The following SLC28A2 variants were observed in gnomAD, a reference collection of about 807,000 sequenced individuals.
SLC28A2 encodes solute carrier family 28 member 2.
Under a neutral mutation model 72.9 loss-of-function variants are expected in SLC28A2, and 69 were observed. That is an observed-to-expected ratio of 0.95 (90% CI 0.78 to 1.16). The LOEUF is 1.16. Among genes scored for constraint, SLC28A2 ranks in the 50% most tolerant of loss-of-function variants. SLC28A2 has a pLI of 0.00. For missense variants in SLC28A2, 745 were observed against 791.1 expected (o/e 0.94, Z 0.70); for synonymous variants, 296 against 294.1 (o/e 1.01, Z -0.07).
Position 45,270,253 on chromosome 15 carries a change from T to G in SLC28A2, c.1625T>G (p.Ile542Arg), listed in dbSNP as rs748704179. ...TGTGGATTTGCCAATCTTAGTTCCA[T>G]AGGAATCACACTTGGAGGCTTGAGT... ...SLCGFANLSS[I>R]GITLGGLTSI... Residue 542 changes from isoleucine (I) to arginine (R), a missense_variant, in exon 15 of 18, where the codon ATA (isoleucine) becomes AGA (arginine). Physicochemically the swap from Ile to Arg is moderately conservative, Grantham distance 97. Coordinates refer to ENST00000347644, the MANE Select transcript of SLC28A2 (RefSeq NM_004212.4). 6.2e-7 allele frequency: 1 copy of G among 1,613,196 alleles called. No individual in the cohort carries two copies. The highest frequency in any genetic ancestry group is 1.7e-5 in the Admixed American group (1 of 60,026).
At position 45,267,515 on chromosome 15, in the gene SLC28A2, G is replaced by A. The variant is rs369611593; in HGVS notation, c.1003G>A (p.Ala335Thr). ...GGACATGACACTCTCTGAAATCCATGCGGTGATGACTGGAGGGTTTGCCAC... is the reference window on the plus strand; with the variant it reads ...GGACATGACACTCTCTGAAATCCATACGGTGATGACTGGAGGGTTTGCCAC... Reference protein sequence around the residue: ...LGDMTLSEIHAVMTGGFATIS... With the variant: ...LGDMTLSEIHTVMTGGFATIS... The change falls in exon 11 of 18, where the codon GCG becomes ACG. Residue 335 changes from alanine (A) to threonine (T), a missense_variant. Coordinates refer to ENST00000347644, the MANE Select transcript of SLC28A2 (RefSeq NM_004212.4). The A allele has an allele frequency of 3.1e-6, 5 of 1,614,166 alleles. No homozygotes were observed. In the African/African-American group the frequency reaches 5.3e-5, roughly 17 times the overall value.
intron 3 of SLC28A2, among the ~76,000 whole-genome samples, chr15:45,258,100 G>A (rs1900029090): frequency 6.6e-6 from 1 of 152,092 alleles, no homozygotes; most frequent in Non-Finnish European, 1.5e-5. Context: ...GTGGGCACCT[G>A]TTCTCCTAGC....
At chr15:45,258,459 T>C (rs11637838) in intron 3 of SLC28A2, among the ~76,000 whole-genome samples, 71,876 of 151,938 alleles carry the variant, frequency 0.47, 20,689 homozygotes, top group Non-Finnish European at 0.67. Flanking sequence ...AAACATTATC[T>C]GTACCCAAGA....
chr15:45,268,086 CT>C (rs1403422538), intron 12 of SLC28A2, 123 bp from the exon 13 acceptor site: 3 of 904,160 alleles, frequency 3.3e-6, no homozygotes, highest in Middle Eastern at 3.2e-4. Flanking sequence ...TGAGGAACCC[CT>C]GTCACCTTCT....
intron 17 of SLC28A2, among the ~76,000 whole-genome samples, chr15:45,273,124 C>T (rs973532831): frequency 2.0e-5 from 3 of 151,926 alleles, no homozygotes; most frequent in Admixed American, 6.6e-5. Context: ...CCCAGGAGTT[C>T]GAGACAAGCC....
At chr15:45,267,837 G>A (rs374529358) in intron 12 of SLC28A2, 41 bp downstream of exon 12, 1 of 1,610,610 alleles carries the variant, frequency 6.2e-7, no homozygotes, top group South Asian at 1.1e-5. Context: ...ATGGTGAGCT[G>A]TAGTTAAGAG....
At chr15:45,255,873 A>G (rs1346678952) in intron 3 of SLC28A2, 1 of 152,202 alleles carries the variant, frequency 6.6e-6, no homozygotes, top group African/African-American at 2.4e-5. Context: ...TGGCTTGCAC[A>G]ATTCCTGAAA....
At chr15:45,255,341 G>GT (rs1176424473) in intron 3 of SLC28A2, 2 of 151,976 alleles carry the variant, frequency 1.3e-5, no homozygotes, top group Non-Finnish European at 2.9e-5. Context: ...TTAATGAGGA[G>GT]TAAGACCAGG....
In SLC28A2 at chr15:45,277,393, T is replaced by G; in HGVS notation, c.*1880T>G. 6.6e-6 allele frequency: 1 copy of G among 151,886 alleles called. No homozygotes were observed. Among genetic ancestry groups the G allele is most frequent in the Non-Finnish European group, 1.5e-5 (1 of 67,984 alleles). The allele number at this position is 151,886 out of a possible 1,614,324, so 9.4% of individuals were successfully genotyped here. On this transcript the variant is annotated 3_prime_UTR_variant, in exon 18 of 18. Coordinates refer to ENST00000347644, the MANE Select transcript of SLC28A2 (RefSeq NM_004212.4). ...AGTACATGTACATGCATGTTCACAG[T>G]AGCACTATTCAAAATAGCCAAAAAT...
Position 45,262,047 on chromosome 15 carries a change from G to T in SLC28A2, c.203G>T (p.Ser68Ile). ...RSRWPFSKAR[S>I]FCKTHASLFK... Reference sequence around the variant, plus strand: ...CGGTGGCCTTTCAGCAAAGCAAGAAGTTTCTGCAAAACACACGCCAGCTTG... The same window carrying T: ...CGGTGGCCTTTCAGCAAAGCAAGAATTTTCTGCAAAACACACGCCAGCTTG... Residue 68 changes from serine (S) to isoleucine (I), a missense_variant, in exon 4 of 18, where the codon AGT becomes ATT. Transcript: ENST00000347644. 6.2e-7 allele frequency: 1 copy of T among 1,613,726 alleles called. No homozygotes were observed. The highest frequency in any genetic ancestry group is 8.5e-7 in the Non-Finnish European group (1 of 1,179,676).
chr15:45,260,895 T>C (rs1900141262), intron 3 of SLC28A2, among the ~76,000 whole-genome samples: 1 of 152,202 alleles, frequency 6.6e-6, no homozygotes, highest in African/African-American at 2.4e-5. Flanking sequence ...TATCTCATAG[T>C]ACACACTCTG....
chr15:45,253,443 A>G lies in SLC28A2; in HGVS notation c.93A>G (p.Val31=). ...NPGLELMEKE[V]EPEGSKRTDA... ...CTCTGTGCTTGTAGGAAAAAGAAGT[A>G]GAGCCTGAGGGAAGCAAGAGGACTG... Residue 31 remains valine (V), a synonymous_variant, in exon 3 of 18, where the codon GTA becomes GTG. Transcript: ENST00000347644. The G allele has an allele frequency of 6.2e-7, 1 of 1,613,630 alleles. No individual in the cohort carries two copies. Among genetic ancestry groups the G allele is most frequent in the Non-Finnish European group, 8.5e-7 (1 of 1,179,528 alleles).
At chr15:45,262,863 T>C (rs78151334) in intron 4 of SLC28A2, among the ~76,000 whole-genome samples, 198 bp from the exon 5 acceptor site, 13,523 of 152,174 alleles carry the variant, frequency 0.089, 1,915 homozygotes, top group African/African-American at 0.3. Flanking sequence ...CAGACTGTCC[T>C]TGGGGATCCT....
intron 6 of SLC28A2, 139 bp from the exon 7 acceptor site, chr15:45,264,516 C>G: frequency 1.6e-6 from 1 of 630,774 alleles, no homozygotes; most frequent in African/African-American, 1.8e-5. Flanking sequence ...CCTACCATTG[C>G]CCCTGCTCCC....
At chr15:45,252,321 A>C (rs948086925) in intron 1 of SLC28A2, 43 bp downstream of exon 1, 3 of 455,626 alleles carry the variant, frequency 6.6e-6, no homozygotes, top group African/African-American at 6.0e-5. Flanking sequence ...CTAATTTACA[A>C]ATTTTTAAAG....
chr15:45,271,052 A>G (rs1336888453), intron 15 of SLC28A2, among the ~76,000 whole-genome samples: 1 of 152,236 alleles, frequency 6.6e-6, no homozygotes, highest in Non-Finnish European at 1.5e-5. Flanking sequence ...AGGCAGATAG[A>G]CAGTAAGAGA....
intron 9 of SLC28A2, 106 bp from the exon 10 acceptor site, chr15:45,265,975 C>T (rs1184067271): frequency 1.2e-6 from 1 of 849,884 alleles, no homozygotes; most frequent in African/African-American, 1.7e-5. Context: ...CTCTACTTCT[C>T]TAGGCCTCAG....
At position 45,253,215 on chromosome 15, in the gene SLC28A2, G is replaced by T. The variant is rs1899853619; in HGVS notation, c.-1G>T. 6.2e-7 allele frequency: 1 copy of T among 1,611,090 alleles called. No individual in the cohort carries two copies. The highest frequency in any genetic ancestry group is 2.2e-5 in the East Asian group (1 of 44,874). ...TGTTTTTCAGTTGAGGAGAACAGGA[G>T]ATGGAGAAAGCAAGTGGAAGACAGT... On this transcript the variant is annotated 5_prime_UTR_variant, in exon 2 of 18. Coordinates refer to ENST00000347644, the MANE Select transcript of SLC28A2 (RefSeq NM_004212.4).
intron 2 of SLC28A2, 35 bp from the exon 3 acceptor site, chr15:45,253,397 T>A: frequency 6.3e-7 from 1 of 1,586,664 alleles, no homozygotes; most frequent in South Asian, 1.1e-5. Flanking sequence ...CTGGCAGGGC[T>A]CCATGACTGA....
Sources: allele counts gnomAD v4.1 joint callset (sites outside exome capture counted in the v4.1 genomes callset), GRCh38; gene constraint gnomAD v4.1.1; transcripts MANE v1.5; gene names NCBI Gene and HGNC (gene_info 2026-07-23, HGNC 2026-07-21).